Variants in EIF3M observed in about 807,000 individuals in gnomAD.
EIF3M encodes eukaryotic translation initiation factor 3 subunit M, also known as B5 receptor.
EIF3M carries 25 observed loss-of-function variants against 49.7 expected under a neutral mutation model. The ratio of observed to expected loss-of-function variants is 0.50; its 90% CI spans 0.37 to 0.70. The LOEUF is 0.70. Ranked by LOEUF, EIF3M falls within the 30% of genes least tolerant of loss-of-function variation. The pLI, the probability that EIF3M is intolerant of heterozygous loss-of-function variation, is 0.00. For synonymous variants in EIF3M, 156 were observed against 149.8 expected (o/e 1.04, Z -0.30); for missense variants, 350 against 440.0 (o/e 0.80, Z 1.83).
intron 5 of EIF3M, among the ~76,000 whole-genome samples, chr11:32,593,430 C>G (rs1024309303): frequency 9.2e-5 from 14 of 152,136 alleles, no homozygotes; most frequent in African/African-American, 3.4e-4. Flanking sequence ...GGACACAAAA[C>G]TTTTTTTGCG....
chr11:32,587,991 A>T, intron 2 of EIF3M, among the ~76,000 whole-genome samples: 1 of 152,362 alleles, frequency 6.6e-6, no homozygotes, highest in Non-Finnish European at 1.5e-5. Flanking sequence ...TTAAGAAAGT[A>T]TCCTAGTCCT....
rs767400024 is a variant in EIF3M at position 32,589,158 on chromosome 11, T to C, written c.438+23T>C. ...CAAGTGAGTTACTGTGTGGAATAGT[T>C]GTTCTGCTTATAAGAAATGTACTTT... On this transcript the variant is annotated intron_variant, in intron 4 of 10. Coordinates refer to ENST00000531120, the MANE Select transcript of EIF3M (RefSeq NM_006360.6). 1.2e-5 allele frequency: 19 copies of C among 1,605,462 alleles called. No individual in the cohort carries two copies. The East Asian group carries it at 4.2e-4, about 36-fold the overall frequency.
intron 1 of EIF3M, among the ~76,000 whole-genome samples, chr11:32,585,475 G>C (rs1854980911): frequency 6.6e-6 from 1 of 152,190 alleles, no homozygotes; most frequent in Non-Finnish European, 1.5e-5. Flanking sequence ...TTCTCAGCTT[G>C]ATTAGAGTTA....
At chr11:32,587,256 A>T in intron 2 of EIF3M, 112 bp downstream of exon 2, 1 of 1,070,822 alleles carries the variant, frequency 9.3e-7, no homozygotes, top group Non-Finnish European at 1.3e-6. Flanking sequence ...GAACCCTCAG[A>T]TACAGAAGGC....
chr11:32,589,216 G>C, intron 4 of EIF3M, 81 bp downstream of exon 4: 1 of 1,558,836 alleles, frequency 6.4e-7, no homozygotes, highest in Non-Finnish European at 8.6e-7. Flanking sequence ...CACTGTTGTT[G>C]CCCAGGCTGG....
chr11:32,596,127 A>C, intron 8 of EIF3M, 80 bp downstream of exon 8: 1 of 1,115,612 alleles, frequency 9.0e-7, no homozygotes, highest in Non-Finnish European at 1.2e-6. Flanking sequence ...TGTTCCAGCA[A>C]GTATGGCTGT....
intron 8 of EIF3M, among the ~76,000 whole-genome samples, chr11:32,597,301 T>A (rs983112072): frequency 4.9e-4 from 75 of 152,188 alleles, no homozygotes; most frequent in African/African-American, 1.8e-3. Context: ...TCCCTTTTTT[T>A]AAGCCATAGC....
chr11:32,598,028 G>C (rs1361036849), intron 8 of EIF3M, among the ~76,000 whole-genome samples: 1 of 152,172 alleles, frequency 6.6e-6, no homozygotes, highest in African/African-American at 2.4e-5. Flanking sequence ...AAGTGTGTTT[G>C]TGTAGAAAGC....
At chr11:32,585,218 G>A (rs1854976766) in intron 1 of EIF3M, among the ~76,000 whole-genome samples, 2 of 151,952 alleles carry the variant, frequency 1.3e-5, no homozygotes, top group South Asian at 2.1e-4. Flanking sequence ...AGATATGAAA[G>A]ACAAAAAGAT....
chr11:32,585,117 G>A (rs576846493), intron 1 of EIF3M, among the ~76,000 whole-genome samples: 1 of 152,142 alleles, frequency 6.6e-6, no homozygotes, highest in African/African-American at 2.4e-5. Context: ...TGGTAGGAAT[G>A]CAGTTCCGAT....
intron 1 of EIF3M, among the ~76,000 whole-genome samples, chr11:32,585,187 G>A (rs1854976241): frequency 6.6e-6 from 1 of 152,190 alleles, no homozygotes; most frequent in Admixed American, 6.5e-5. Flanking sequence ...TCAAGGATGG[G>A]GAGGTTAAGC....
intron 1 of EIF3M, 90 bp from the exon 2 acceptor site, chr11:32,586,922 T>C: frequency 1.4e-6 from 2 of 1,460,640 alleles, no homozygotes; most frequent in Non-Finnish European, 1.8e-6. Context: ...GAATACAGTA[T>C]TTCCGTTTTA....
chr11:32,588,454 A>G (rs1855038487), intron 2 of EIF3M, 140 bp from the exon 3 acceptor site: 1 of 925,302 alleles, frequency 1.1e-6, no homozygotes, highest in East Asian at 2.8e-5. Context: ...CTTTAATAAA[A>G]TATACAAGTT....
intron 5 of EIF3M, among the ~76,000 whole-genome samples, chr11:32,590,236 A>T (rs1015088288): frequency 7.9e-5 from 12 of 152,214 alleles, no homozygotes; most frequent in Non-Finnish European, 1.5e-4. Context: ...TGAAATTCAG[A>T]TTTCAGGGTC....
chr11:32,590,360 C>A (rs1225055798), intron 5 of EIF3M, among the ~76,000 whole-genome samples: 1 of 152,256 alleles, frequency 6.6e-6, no homozygotes, highest in East Asian at 1.9e-4. Context: ...AAAATATTTA[C>A]TCTCTGGCCC....
Position 32,603,333 on chromosome 11 carries a change from G to C in EIF3M, c.*934G>C, listed in dbSNP as rs1855302029. 1 of 234,332 alleles carries C rather than the reference G, an allele frequency of 4.3e-6. No individual in the cohort carries two copies. Among genetic ancestry groups the C allele is most frequent in the African/African-American group, 2.4e-5 (1 of 42,166 alleles). 14.5% of individuals were successfully genotyped at this position (234,332 alleles called of 1,614,324 possible). ...AGGGCAGTGAGATATTTGGAAGTTG[G>C]CATGTTTTCAAGACACTGTATTGGG... On this transcript the variant is annotated 3_prime_UTR_variant, in exon 11 of 11. Transcript: ENST00000531120.
intron 8 of EIF3M, among the ~76,000 whole-genome samples, chr11:32,600,211 T>C (rs1015136868): frequency 6.6e-6 from 1 of 151,910 alleles, no homozygotes; most frequent in Non-Finnish European, 1.5e-5. Flanking sequence ...GAAAGTATTT[T>C]AAAACTTCAG....
At chr11:32,588,886 C>G in intron 3 of EIF3M, 126 bp from the exon 4 acceptor site, 1 of 1,529,160 alleles carries the variant, frequency 6.5e-7, no homozygotes, top group Non-Finnish European at 8.8e-7. Context: ...TTTCTGTGCC[C>G]TAGTTTCCTC....
At chr11:32,584,754 G>T (rs866444055) in intron 1 of EIF3M, among the ~76,000 whole-genome samples, 1 of 152,078 alleles carries the variant, frequency 6.6e-6, no homozygotes, top group African/African-American at 2.4e-5. Flanking sequence ...TATCAGTTCA[G>T]CTCTTAAATT....
Sources: gnomAD v4.1 joint callset for allele counts (sites outside exome capture counted in the v4.1 genomes callset) on GRCh38, gnomAD v4.1.1 for gene constraint, MANE v1.5 for transcripts, NCBI Gene and HGNC (gene_info 2026-07-23, HGNC 2026-07-21) for gene names.